RGS7: variants seen among roughly 807,000 people sequenced by gnomAD.
The protein encoded by RGS7 is regulator of G-protein signaling 7.
Under a neutral mutation model 81.1 loss-of-function variants are expected in RGS7, and 27 were observed. That is an observed-to-expected ratio of 0.33 (90% CI 0.25 to 0.46). The LOEUF is 0.46. Ranked by LOEUF, RGS7 falls within the 20% of genes least tolerant of loss-of-function variation. The pLI, the probability that RGS7 is intolerant of heterozygous loss-of-function variation, is 1.00. For synonymous variants in RGS7, 208 were observed against 207.7 expected (o/e 1.00, Z -0.01); for missense variants, 396 against 607.4 (o/e 0.65, Z 3.66).
intron 2 of RGS7, among the ~76,000 whole-genome samples, chr1:241,281,273 T>C (rs2078494712): frequency 6.6e-6 from 1 of 152,204 alleles, no homozygotes; most frequent in Non-Finnish European, 1.5e-5. Context: ...TATAATTGCA[T>C]AAAATCAACT....
chr1:241,117,477 T>C (rs1370334749), intron 2 of RGS7, among the ~76,000 whole-genome samples: 5 of 152,158 alleles, frequency 3.3e-5, no homozygotes, highest in Non-Finnish European at 5.9e-5. Context: ...ATGCCTGTTG[T>C]GGATTGTGGA....
Position 241,193,019 on chromosome 1 carries a change from T to C in RGS7, c.79-94257A>G, listed in dbSNP as rs12062509. Among the ~76,000 whole-genome samples, 1,080 of 152,310 alleles carry C rather than the reference T, an allele frequency of 7.1e-3. 7 individuals carry two copies. Among genetic ancestry groups the C allele is most frequent in the Non-Finnish European group, 0.011 (743 of 68,032 alleles). On this transcript the variant is annotated intron_variant, in intron 2 of 18. Coordinates refer to ENST00000440928, the MANE Select transcript of RGS7 (RefSeq NM_001364886.1). Reference sequence around the variant, plus strand: ...CATAAAACCTGTATCCAAAGAACTATAATAATGGGCAGGTTCTGAAGAATG... The same window carrying C: ...CATAAAACCTGTATCCAAAGAACTACAATAATGGGCAGGTTCTGAAGAATG...
intron 4 of RGS7, among the ~76,000 whole-genome samples, chr1:240,950,137 C>G (rs1047012639): frequency 6.6e-6 from 1 of 152,114 alleles, no homozygotes. Context: ...TGACAAAGAA[C>G]TTGAGACTCA....
rs1367249811 is a variant in RGS7, at chr1:241,185,828, A to T, written c.79-87066T>A. Among the ~76,000 whole-genome samples, 3 of 152,296 alleles carry T rather than the reference A, an allele frequency of 2.0e-5. No individual in the cohort carries two copies. The Middle Eastern group carries it at 0.01, about 522-fold the overall frequency. ...CAACATATTAAGTATTGTGGTATGC[A>T]TTCAAGACACAGCTTAAATGAAAAT... On this transcript the variant is annotated intron_variant, in intron 2 of 18. Transcript: ENST00000440928.
intron 10 of RGS7, among the ~76,000 whole-genome samples, chr1:240,826,282 C>T (rs921090018): frequency 2.0e-5 from 3 of 152,062 alleles, no homozygotes; most frequent in African/African-American, 7.2e-5. Flanking sequence ...GTACTTGGAC[C>T]ATATTGGGGC....
chr1:241,003,324 C>T (rs1216596259), intron 3 of RGS7, among the ~76,000 whole-genome samples: 3 of 151,528 alleles, frequency 2.0e-5, no homozygotes, highest in Non-Finnish European at 2.9e-5. Flanking sequence ...AGCCGGGCGT[C>T]GTGGCAGGTG....
At chr1:241,202,011 G>GAAGAACACACACACACTC (rs138116326) in intron 2 of RGS7, among the ~76,000 whole-genome samples, 1 of 144,970 alleles carries the variant, frequency 6.9e-6, no homozygotes, top group African/African-American at 2.6e-5. Flanking sequence ...GACACACACA[G>GAAGAACACACACACACTC]ACACACACAC....
chr1:241,356,620 A>T (rs534794933), intron 1 of RGS7, among the ~76,000 whole-genome samples: 4 of 152,254 alleles, frequency 2.6e-5, no homozygotes, highest in African/African-American at 9.6e-5. Flanking sequence ...GAAAACAGGC[A>T]AGCCCCTGCT....
At chr1:240,878,030 C>A (rs1665736883) in intron 6 of RGS7, among the ~76,000 whole-genome samples, 1 of 152,046 alleles carries the variant, frequency 6.6e-6, no homozygotes, top group Non-Finnish European at 1.5e-5. Flanking sequence ...TCCTTACTGC[C>A]CCATTAAGTG....
intron 3 of RGS7, among the ~76,000 whole-genome samples, chr1:241,059,485 T>C (rs2061637440): frequency 6.6e-6 from 1 of 152,224 alleles, no homozygotes; most frequent in Admixed American, 6.5e-5. Context: ...GGGATCCATA[T>C]TCAGAGATGG....
chr1:240,886,872 C>G (rs903286020), intron 6 of RGS7, among the ~76,000 whole-genome samples: 1 of 152,208 alleles, frequency 6.6e-6, no homozygotes, highest in African/African-American at 2.4e-5. Context: ...CACAGATATT[C>G]TAGAACATGC....
At chr1:240,819,268 A>G (rs547635892) in intron 10 of RGS7, among the ~76,000 whole-genome samples, 63 of 152,226 alleles carry the variant, frequency 4.1e-4, no homozygotes, top group Non-Finnish European at 8.7e-4. Context: ...CTTATAAAAA[A>G]TAGCTGATGG....
chr1:241,047,926 G>C (rs1178473948), intron 3 of RGS7, among the ~76,000 whole-genome samples: 1 of 151,872 alleles, frequency 6.6e-6, no homozygotes, highest in Non-Finnish European at 1.5e-5. Flanking sequence ...TTTTAGTAGA[G>C]ATGGGGTTTC....
intron 2 of RGS7, among the ~76,000 whole-genome samples, chr1:241,154,809 G>A (rs992611355): frequency 6.6e-6 from 1 of 152,200 alleles, no homozygotes; most frequent in Non-Finnish European, 1.5e-5. Context: ...TTCACTGTCA[G>A]TGATGGCAGA....
chr1:241,341,768 G>A (rs1200531825), intron 2 of RGS7, among the ~76,000 whole-genome samples: 11 of 151,976 alleles, frequency 7.2e-5, no homozygotes, highest in South Asian at 2.1e-4. Flanking sequence ...GACAGGGAAC[G>A]TGAGCCTTGA....
intron 9 of RGS7, among the ~76,000 whole-genome samples, chr1:240,859,446 T>G (rs1438980253): frequency 6.7e-6 from 1 of 149,644 alleles, no homozygotes; most frequent in Admixed American, 6.6e-5. Context: ...TCCTGTTTTT[T>G]TTTTTTTTTT....
chr1:240,932,657 C>T (rs920450697), intron 5 of RGS7, among the ~76,000 whole-genome samples: 4 of 150,022 alleles, frequency 2.7e-5, no homozygotes, highest in East Asian at 2.0e-4. Context: ...TACAGGTGCC[C>T]GCCACCACGC....
chr1:240,822,460 A>G (rs988290890), intron 10 of RGS7, among the ~76,000 whole-genome samples: 1 of 152,182 alleles, frequency 6.6e-6, no homozygotes, highest in East Asian at 1.9e-4. Context: ...TTTCACAAAC[A>G]TCTTCACGTT....
At chr1:241,331,726 T>C (rs1379791508) in intron 2 of RGS7, among the ~76,000 whole-genome samples, 2 of 152,150 alleles carry the variant, frequency 1.3e-5, no homozygotes, top group African/African-American at 4.8e-5. Context: ...TACTGTCAGC[T>C]GGAAATTTGA....
Sources: allele counts gnomAD v4.1 joint callset (sites outside exome capture counted in the v4.1 genomes callset), GRCh38; gene constraint gnomAD v4.1.1; transcripts MANE v1.5; gene names NCBI Gene and HGNC (gene_info 2026-07-23, HGNC 2026-07-21).